Variants in MAD1L1 observed in about 807,000 individuals in gnomAD.
MAD1L1 encodes mitotic spindle assembly checkpoint protein MAD1.
A neutral mutation model predicts 96.9 loss-of-function variants in MAD1L1; 95 were observed. The ratio of observed to expected loss-of-function variants is 0.98; its 90% CI spans 0.83 to 1.16. MAD1L1 has a LOEUF of 1.16. Among genes scored for constraint, MAD1L1 ranks in the 50% most tolerant of loss-of-function variants. The probability of loss-of-function intolerance (pLI) is 0.00; values close to 1 mark genes in which losing one functional copy is unlikely to be tolerated. For missense variants in MAD1L1, 1,007 were observed against 954.4 expected (o/e 1.06, Z -0.73); for synonymous variants, 473 against 396.6 (o/e 1.19, Z -2.29).
rs542858055 is a variant in MAD1L1, at chr7:2,109,173, C to T, written c.1074-39835G>A. 9.8e-5 allele frequency among the ~76,000 whole-genome samples: 15 copies of T among 152,338 alleles called. No individual in the cohort carries two copies. The East Asian group carries it at 1.7e-3, about 18-fold the overall frequency. ...ATCACCATCCCATCTCCCACCTAGA[C>T]GGAAAACCCGAGCTCTGCTCCTCCT... On this transcript the variant is annotated intron_variant, in intron 11 of 18. Coordinates refer to ENST00000265854, the MANE Select transcript of MAD1L1 (RefSeq NM_001013836.2).
chr7:2,026,861 A>G (rs1227167068), intron 12 of MAD1L1, among the ~76,000 whole-genome samples: 3 of 152,240 alleles, frequency 2.0e-5, no homozygotes, highest in Non-Finnish European at 2.9e-5. Flanking sequence ...ATACAACTCA[A>G]AAGTTAGAAT....
intron 14 of MAD1L1, among the ~76,000 whole-genome samples, chr7:1,990,153 T>C (rs959194639): frequency 2.6e-5 from 4 of 152,144 alleles, no homozygotes; most frequent in Non-Finnish European, 5.9e-5. Flanking sequence ...CATCGCTGAG[T>C]CTCAGCTGCA....
intron 10 of MAD1L1, among the ~76,000 whole-genome samples, chr7:2,176,325 G>C (rs937926108): frequency 6.6e-6 from 1 of 152,212 alleles, no homozygotes; most frequent in Non-Finnish European, 1.5e-5. Context: ...TCCAGACTGG[G>C]TGAAGAGTGA....
intron 10 of MAD1L1, among the ~76,000 whole-genome samples, chr7:2,191,874 T>C (rs1258935365): frequency 6.6e-6 from 1 of 151,782 alleles, no homozygotes; most frequent in Non-Finnish European, 1.5e-5. Context: ...CTACTAAAAA[T>C]ACAAAAACTA....
At chr7:1,830,878 G>GATGAT (rs1208945949) in intron 18 of MAD1L1, among the ~76,000 whole-genome samples, 1 of 152,210 alleles carries the variant, frequency 6.6e-6, no homozygotes. Context: ...CAAATAACAA[G>GATGAT]ATGATAGACT....
chr7:1,861,844 C>T (rs1331646580), intron 18 of MAD1L1, among the ~76,000 whole-genome samples: 2 of 103,550 alleles, frequency 1.9e-5, no homozygotes, highest in Admixed American at 9.8e-5. Context: ...GCTCCGCCTG[C>T]CCCCTGGTTG....
chr7:2,180,836 T>C (rs907989177), intron 10 of MAD1L1, among the ~76,000 whole-genome samples: 1 of 152,258 alleles, frequency 6.6e-6, no homozygotes, highest in African/African-American at 2.4e-5. Flanking sequence ...TCATGTCTTC[T>C]GCAAATAGAG....
At chr7:1,838,090 G>A (rs909539357) in intron 18 of MAD1L1, among the ~76,000 whole-genome samples, 2 of 152,196 alleles carry the variant, frequency 1.3e-5, no homozygotes, top group African/African-American at 4.8e-5. Context: ...CCCGTGCAGG[G>A]GCTGCAGTCC....
chr7:2,018,185 A>G (rs1782628004), intron 12 of MAD1L1, among the ~76,000 whole-genome samples: 1 of 152,172 alleles, frequency 6.6e-6, no homozygotes, highest in Non-Finnish European at 1.5e-5. Context: ...AACGAAGCCC[A>G]CATCCTGCCT....
In MAD1L1 at chr7:2,014,606, C is replaced by G; in HGVS notation, c.1255G>C (p.Asp419His). The G allele has an allele frequency of 6.2e-7, 1 of 1,612,460 alleles. No individual in the cohort carries two copies. Among genetic ancestry groups the G allele is most frequent in the Non-Finnish European group, 8.5e-7 (1 of 1,179,722 alleles). Residue 419 changes from aspartate (D) to histidine (H), a missense_variant, in exon 13 of 19, where the codon GAC (aspartate) becomes CAC (histidine). Coordinates refer to ENST00000265854, the MANE Select transcript of MAD1L1 (RefSeq NM_001013836.2). ...TACTCGGCCGGGGTCAGCTCGCTGTCGTAGGACCCCAGGATGGCCCGCATA... is the reference window on the plus strand; with the variant it reads ...TACTCGGCCGGGGTCAGCTCGCTGTGGTAGGACCCCAGGATGGCCCGCATA... ...DGMRAILGSYDSELTPAEYSP... is the reference protein window; with the variant it reads ...DGMRAILGSYHSELTPAEYSP...
intron 12 of MAD1L1, among the ~76,000 whole-genome samples, chr7:2,045,453 G>A (rs1783879621): frequency 2.0e-5 from 3 of 152,120 alleles, no homozygotes; most frequent in Non-Finnish European, 2.9e-5. Context: ...TATCCCTCTC[G>A]GGAGCCCGCA....
chr7:1,949,367 C>T (rs565272125), intron 16 of MAD1L1, among the ~76,000 whole-genome samples: 38 of 152,330 alleles, frequency 2.5e-4, no homozygotes, highest in African/African-American at 8.2e-4. Context: ...AAACCAAAGA[C>T]GTGGATCTCC....
At chr7:1,981,052 C>T (rs889327145) in intron 14 of MAD1L1, among the ~76,000 whole-genome samples, 1 of 152,186 alleles carries the variant, frequency 6.6e-6, no homozygotes. Context: ...CTGCAACCTC[C>T]ACCTCGCAGG....
intron 16 of MAD1L1, among the ~76,000 whole-genome samples, chr7:1,947,813 C>T (rs1779298231): frequency 6.6e-6 from 1 of 152,228 alleles, no homozygotes; most frequent in Non-Finnish European, 1.5e-5. Flanking sequence ...TTACTCAGGG[C>T]CAGCAGGAGG....
At chr7:2,185,526 GAT>G (rs1421143071) in intron 10 of MAD1L1, among the ~76,000 whole-genome samples, 4 of 152,202 alleles carry the variant, frequency 2.6e-5, no homozygotes, top group African/African-American at 9.7e-5. Flanking sequence ...TAAAGGAATA[GAT>G]AGTTTCTTTT....
intron 13 of MAD1L1, among the ~76,000 whole-genome samples, chr7:2,010,504 T>G (rs941191510): frequency 1.3e-5 from 2 of 152,138 alleles, no homozygotes; most frequent in African/African-American, 2.4e-5. Context: ...TATTTATAGC[T>G]CTATCCACAG....
intron 10 of MAD1L1, among the ~76,000 whole-genome samples, chr7:2,161,421 G>C (rs1324560240): frequency 1.3e-5 from 2 of 152,054 alleles, no homozygotes; most frequent in African/African-American, 4.8e-5. Flanking sequence ...GTGTTGCCCA[G>C]CCTGGAGTGC....
intron 12 of MAD1L1, among the ~76,000 whole-genome samples, chr7:2,033,331 A>T (rs1036645587): frequency 1.3e-5 from 2 of 152,182 alleles, no homozygotes; most frequent in Admixed American, 6.5e-5. Flanking sequence ...GCTTCACTGC[A>T]CTAGAACTAA....
At chr7:2,113,601 T>C (rs1018346275) in intron 11 of MAD1L1, among the ~76,000 whole-genome samples, 1 of 151,990 alleles carries the variant, frequency 6.6e-6, no homozygotes, top group Non-Finnish European at 1.5e-5. Context: ...ATAAAATAAA[T>C]AGGATATTTG....
Sources: gnomAD v4.1 joint callset for allele counts (sites outside exome capture counted in the v4.1 genomes callset) on GRCh38, gnomAD v4.1.1 for gene constraint, MANE v1.5 for transcripts, NCBI Gene and HGNC (gene_info 2026-07-23, HGNC 2026-07-21) for gene names.